Variants in PUDP observed in about 807,000 individuals in gnomAD.
PUDP encodes the protein pseudouridine 5'-phosphatase, also known as pseudouridine-5'-phosphatase.
PUDP carries 8 observed loss-of-function variants against 9.4 expected under a neutral mutation model. That is an observed-to-expected ratio of 0.85 (90% CI 0.50 to 1.53). The LOEUF (loss-of-function observed/expected upper bound fraction) is 1.53, where lower values mean the gene tolerates loss of function less well. Among genes scored for constraint, PUDP ranks in the 40% most tolerant of loss-of-function variants. The pLI, the probability that PUDP is intolerant of heterozygous loss-of-function variation, is 0.00. For synonymous variants in PUDP, 99 were observed against 80.7 expected, an observed-to-expected ratio of 1.23 and a Z score of -1.22; for missense variants, 188 against 189.7, an observed-to-expected ratio of 0.99 and a Z score of 0.05.
intron 1 of PUDP, among the ~76,000 whole-genome samples, chrX:6,720,287 T>TATATATATATAC (rs1162322257): frequency 1.7e-4 from 14 of 83,139 alleles, no homozygotes; most frequent in East Asian, 7.4e-4. Flanking sequence ...TATATATATA[T>TATATATATATAC]ACACACACAC....
At chrX:7,120,087 A>G (rs1274872530) in intron 1 of PUDP, among the ~76,000 whole-genome samples, 1 of 111,818 alleles carries the variant, frequency 8.9e-6, no homozygotes, top group African/African-American at 3.3e-5. Context: ...CACCCAAAGG[A>G]CTCGTATCCA....
chrX:6,815,516 CAA>C (rs371320911), intron 3 of PUDP, among the ~76,000 whole-genome samples: 33 of 111,397 alleles, frequency 3.0e-4, no homozygotes, highest in African/African-American at 9.4e-4. Flanking sequence ...AAGAATTTGT[CAA>C]AAAAACATCA....
At chrX:7,075,453 C>T (rs1463992427) in intron 3 of PUDP, among the ~76,000 whole-genome samples, 1 of 111,343 alleles carries the variant, frequency 9.0e-6, no homozygotes, top group Non-Finnish European at 1.9e-5. Flanking sequence ...TGCAGTGAGC[C>T]GAGATCATGC....
At chrX:6,793,913 T>C (rs1023872817) in intron 3 of PUDP, among the ~76,000 whole-genome samples, 1 of 111,677 alleles carries the variant, frequency 9.0e-6, no homozygotes, top group Non-Finnish European at 1.9e-5. Context: ...GGGACCCCAC[T>C]GTGTATGTAC....
intron 3 of PUDP, among the ~76,000 whole-genome samples, chrX:6,937,398 G>A (rs1256909593): frequency 9.3e-6 from 1 of 107,624 alleles, no homozygotes; most frequent in African/African-American, 3.4e-5. Context: ...TCCCTATTTA[G>A]TAAATGGTGC....
At chrX:7,148,018 G>A (rs1297001462) in intron 1 of PUDP, 35 bp downstream of exon 1, 6 of 1,091,339 alleles carry the variant, frequency 5.5e-6, no homozygotes, top group Non-Finnish European at 7.3e-6. Flanking sequence ...ACACAAGACC[G>A]CCCTTACTGG....
intron 1 of PUDP, among the ~76,000 whole-genome samples, chrX:6,997,756 C>T (rs374621642): frequency 9.0e-6 from 1 of 111,226 alleles, no homozygotes; most frequent in African/African-American, 3.3e-5. Flanking sequence ...TGAGAGAGGA[C>T]GCTGAGTTTG....
chrX:7,105,901 G>A lies in PUDP; in HGVS notation c.62-63C>T, dbSNP rs1215387399. 1.3e-5 allele frequency: 10 copies of A among 785,510 alleles called. No individual in the cohort carries two copies. The African/African-American group carries it at 1.9e-4, about 15-fold the overall frequency. 64.7% of individuals were successfully genotyped at this position (785,510 alleles called of 1,213,427 possible). A position where few individuals can be genotyped will look rare whatever the true frequency, so the allele number is the denominator to read the frequency against. ...TGTATGAACAGTAAGTTTGTATCAG[G>A]TCCGCATAAACATACACTGTGTAGG... On this transcript the variant is annotated intron_variant, in intron 1 of 3. Coordinates refer to ENST00000381077, the MANE Select transcript of PUDP (RefSeq NM_012080.5).
intron 3 of PUDP, among the ~76,000 whole-genome samples, chrX:6,903,724 T>C (rs2146753566): frequency 9.1e-6 from 1 of 110,368 alleles, no homozygotes; most frequent in South Asian, 3.9e-4. Context: ...CACTTATACG[T>C]AGAAGCTAAA....
chrX:6,972,131 T>C (rs1014909907), intron 3 of PUDP, among the ~76,000 whole-genome samples: 26 of 112,192 alleles, frequency 2.3e-4, no homozygotes, highest in African/African-American at 8.4e-4. Context: ...GATGGGGTTT[T>C]CTAAATATAC....
At chrX:6,831,127 G>A (rs1005636817) in intron 3 of PUDP, among the ~76,000 whole-genome samples, 2 of 111,256 alleles carry the variant, frequency 1.8e-5, no homozygotes, top group African/African-American at 6.5e-5. Flanking sequence ...CTGGGTGGGG[G>A]CCACAAGATC....
chrX:6,719,780 T>C (rs756022797), intron 1 of PUDP, among the ~76,000 whole-genome samples: 101 of 112,007 alleles, frequency 9.0e-4, no homozygotes, highest in Non-Finnish European at 1.3e-3. Flanking sequence ...CAATCCACAG[T>C]CAATAATTTT....
intron 3 of PUDP, among the ~76,000 whole-genome samples, chrX:6,884,054 G>A (rs1422022607): frequency 9.0e-6 from 1 of 110,944 alleles, no homozygotes; most frequent in East Asian, 2.8e-4. Flanking sequence ...GTTAGCCAGG[G>A]TGGTCTTGAT....
At chrX:6,929,565 A>C (rs183598463) in intron 3 of PUDP, among the ~76,000 whole-genome samples, 333 of 112,276 alleles carry the variant, frequency 3.0e-3, no homozygotes, top group Non-Finnish European at 5.4e-3. Flanking sequence ...TAGATTGTAA[A>C]TGTTTCTTAT....
chrX:7,016,148 T>C (rs1478160790), intron 1 of PUDP, among the ~76,000 whole-genome samples: 2 of 107,162 alleles, frequency 1.9e-5, no homozygotes, highest in Non-Finnish European at 3.9e-5. Flanking sequence ...CCGGGTAACA[T>C]TGCAAGACTC....
chrX:6,846,702 AATGAGTATTACTG>A (rs944854994), intron 3 of PUDP, among the ~76,000 whole-genome samples: 1 of 111,869 alleles, frequency 8.9e-6, no homozygotes, highest in Admixed American at 9.5e-5. Flanking sequence ...ATTAAGAAAA[AATGAGTATTACTG>A]ATGAGCTACT....
chrX:6,906,825 C>T (rs1040810926), intron 3 of PUDP, among the ~76,000 whole-genome samples: 1 of 111,915 alleles, frequency 8.9e-6, no homozygotes, highest in Non-Finnish European at 1.9e-5. Flanking sequence ...CCTGTGGCAG[C>T]TTCCAGCACA....
chrX:6,982,178 A>G (rs771475293), intron 1 of PUDP, among the ~76,000 whole-genome samples: 3 of 111,591 alleles, frequency 2.7e-5, no homozygotes, highest in Non-Finnish European at 3.8e-5. Flanking sequence ...CCACACACAC[A>G]CACACAGACA....
In PUDP at chrX:7,038,637, G is replaced by C. The variant is rs191625396; in HGVS notation, c.204+38583C>G. 5.1e-3 allele frequency among the ~76,000 whole-genome samples: 571 copies of C among 111,372 alleles called. 2 individuals carry two copies. Among genetic ancestry groups the C allele is most frequent in the African/African-American group, 0.018 (540 of 30,685 alleles). On this transcript the variant is annotated intron_variant and NMD_transcript_variant, in intron 1 of 3. Transcript: ENST00000655425. ...ATAGTGCAATGGGTAGGGAAAAAAA[G>C]CTCAAAATTGATAAATAGACCAATA...
Sources: allele counts gnomAD v4.1 joint callset (sites outside exome capture counted in the v4.1 genomes callset), GRCh38; gene constraint gnomAD v4.1.1; transcripts MANE v1.5; gene names NCBI Gene and HGNC (gene_info 2026-07-23, HGNC 2026-07-21).